PPARGC1A: variants seen among roughly 807,000 people sequenced by gnomAD.
PPARGC1A encodes PPARG coactivator 1 alpha, also known as peroxisome proliferator-activated receptor gamma coactivator 1-alpha.
In PPARGC1A, 25 loss-of-function variants were observed where a neutral mutation model predicts 88.7. That is an observed-to-expected ratio of 0.28 (90% CI 0.21 to 0.39). The LOEUF (loss-of-function observed/expected upper bound fraction) is 0.39, where lower values mean the gene tolerates loss of function less well. PPARGC1A is among the 10% of genes least tolerant of loss of function. The pLI is 1.00. For missense variants in PPARGC1A, 880 were observed against 968.7 expected (o/e 0.91, Z 1.22); for synonymous variants, 363 against 355.6 (o/e 1.02, Z -0.24).
the PPARGC1A span, among the ~76,000 whole-genome samples, chr4:24,071,555 A>G: frequency 1.3e-5 from 2 of 151,988 alleles, no homozygotes; most frequent in Non-Finnish European, 2.9e-5. Flanking sequence ...TTATTGGTCC[A>G]TTATACTTTG....
At chr4:23,890,164 C>G, upstream of PPARGC1A, 1 of 1,116,104 alleles carries the variant, frequency 9.0e-7, no homozygotes, top group East Asian at 3.2e-5. Flanking sequence ...GCTTGCTGCT[C>G]TAACTCGTGA....
the PPARGC1A span, among the ~76,000 whole-genome samples, chr4:24,372,414 G>A: frequency 6.6e-6 from 1 of 152,156 alleles, no homozygotes; most frequent in Non-Finnish European, 1.5e-5. Flanking sequence ...CTGTGGTTCT[G>A]CTATGCAGCT....
the PPARGC1A span, among the ~76,000 whole-genome samples, chr4:24,248,743 T>C: frequency 1.3e-5 from 2 of 152,156 alleles, no homozygotes; most frequent in African/African-American, 4.8e-5. Context: ...ATGAGGCTGA[T>C]ATTGAAATGC....
chr4:24,379,135 A>G, the PPARGC1A span, among the ~76,000 whole-genome samples: 1 of 152,212 alleles, frequency 6.6e-6, no homozygotes, highest in Non-Finnish European at 1.5e-5. Flanking sequence ...TTACATACGC[A>G]TCAATAAGAC....
At chr4:24,355,446 A>G in the PPARGC1A span, among the ~76,000 whole-genome samples, 2 of 152,212 alleles carry the variant, frequency 1.3e-5, no homozygotes, top group Admixed American at 6.5e-5. Flanking sequence ...CTTGTATTGC[A>G]AGATGCCTCT....
the PPARGC1A span, among the ~76,000 whole-genome samples, chr4:24,035,500 C>T: frequency 6.6e-5 from 10 of 151,898 alleles, no homozygotes; most frequent in African/African-American, 1.7e-4. Context: ...GAGCCGAGAT[C>T]GCGCCATCAC....
the PPARGC1A span, among the ~76,000 whole-genome samples, chr4:24,449,833 T>C: frequency 6.6e-6 from 1 of 152,348 alleles, no homozygotes; most frequent in East Asian, 1.9e-4. Context: ...ACCTCTCTCC[T>C]ATAATTGGAT....
In PPARGC1A at chr4:23,873,223, AT is replaced by A. The variant is rs373385478; in HGVS notation, c.234+11528del. Among the ~76,000 whole-genome samples the A allele has an allele frequency of 1.6e-3, 229 of 141,892 alleles. 18 individuals are homozygous for A. Among genetic ancestry groups the A allele is most frequent in the East Asian group, 3.3e-3 (15 of 4,516 alleles). 93.1% of individuals were successfully genotyped at this position (141,892 alleles called of 152,430 possible). ...AAAAATAAAAAATAAAAAATAAAAA[AT>A]AAAGAAAAAAATGTGACCAGCCATA... On this transcript the variant is annotated intron_variant, in intron 2 of 12. Coordinates refer to ENST00000264867, the MANE Select transcript of PPARGC1A (RefSeq NM_013261.5).
At chr4:24,112,035 AAGACAGT>A in the PPARGC1A span, among the ~76,000 whole-genome samples, 2,282 of 152,308 alleles carry the variant, frequency 0.015, 56 homozygotes, top group African/African-American at 0.047. Flanking sequence ...AAGCCTTTGG[AAGACAGT>A]AGTAGGCTTT....
At chr4:23,909,253 A>G in the PPARGC1A span, among the ~76,000 whole-genome samples, 4 of 152,222 alleles carry the variant, frequency 2.6e-5, no homozygotes, top group Non-Finnish European at 4.4e-5. Context: ...GAAGCTCAGT[A>G]AAGTCCTAAT....
At chr4:24,368,546 T>C in the PPARGC1A span, among the ~76,000 whole-genome samples, 1 of 152,276 alleles carries the variant, frequency 6.6e-6, no homozygotes, top group East Asian at 1.9e-4. Flanking sequence ...TGGGGGGTTC[T>C]CTCTTCAAGG....
At chr4:23,892,705 C>T (rs76998498), upstream of PPARGC1A, among the ~76,000 whole-genome samples, 184 of 152,244 alleles carry the variant, frequency 1.2e-3, 1 homozygote, top group African/African-American at 3.9e-3. Flanking sequence ...CCTTCGTCAA[C>T]TCTGTCTCCA....
chr4:23,796,535 G>A (rs1314435413), intron 12 of PPARGC1A, among the ~76,000 whole-genome samples: 1 of 152,136 alleles, frequency 6.6e-6, no homozygotes, highest in Non-Finnish European at 1.5e-5. Flanking sequence ...GAAATAAAGT[G>A]CAGGTATAAA....
the PPARGC1A span, among the ~76,000 whole-genome samples, chr4:24,447,347 C>A: frequency 6.6e-6 from 1 of 152,152 alleles, no homozygotes; most frequent in Non-Finnish European, 1.5e-5. Context: ...ACTAAGTCAA[C>A]CAGAGAAGGG....
At chr4:23,851,310 A>G (rs1429923865) in intron 2 of PPARGC1A, among the ~76,000 whole-genome samples, 1 of 152,180 alleles carries the variant, frequency 6.6e-6, no homozygotes, top group Non-Finnish European at 1.5e-5. Flanking sequence ...ATTAGTAACA[A>G]TATGTTGTGC....
chr4:24,232,651 T>G, the PPARGC1A span, among the ~76,000 whole-genome samples: 1 of 152,200 alleles, frequency 6.6e-6, no homozygotes, highest in Non-Finnish European at 1.5e-5. Context: ...AAAAAATTTA[T>G]AAAGACATGC....
the PPARGC1A span, among the ~76,000 whole-genome samples, chr4:23,939,050 C>T: frequency 2.0e-5 from 3 of 152,208 alleles, no homozygotes; most frequent in Admixed American, 6.5e-5. Flanking sequence ...GGCAGCTTAC[C>T]CAGTGTTGCT....
the PPARGC1A span, among the ~76,000 whole-genome samples, chr4:24,062,265 A>G: frequency 4.6e-5 from 7 of 152,332 alleles, no homozygotes; most frequent in South Asian, 2.1e-4. Flanking sequence ...AGGATTCGGC[A>G]TGAGAATCTC....
chr4:23,812,696 G>T (rs924918317), intron 10 of PPARGC1A, 51 bp downstream of exon 10: 4 of 1,604,132 alleles, frequency 2.5e-6, no homozygotes, highest in Non-Finnish European at 3.4e-6. Flanking sequence ...AAAGCACACA[G>T]AAAAAGAAGA....
Sources: allele counts gnomAD v4.1 joint callset (sites outside exome capture counted in the v4.1 genomes callset), GRCh38; gene constraint gnomAD v4.1.1; transcripts MANE v1.5; gene names NCBI Gene and HGNC (gene_info 2026-07-23, HGNC 2026-07-21).